Variants in NRG1 observed in about 807,000 individuals in gnomAD.
The protein encoded by NRG1 is pro-neuregulin-1, membrane-bound isoform.
Under a neutral mutation model 63.8 loss-of-function variants are expected in NRG1, and 18 were observed. The observed-to-expected ratio is 0.28, with a 90% CI of 0.19 to 0.42. The LOEUF is 0.42. Among genes scored for constraint, NRG1 ranks in the 10% least tolerant of loss-of-function variants. The pLI, the probability that NRG1 is intolerant of heterozygous loss-of-function variation, is 1.00. For missense variants in NRG1, 762 were observed against 814.7 expected, an observed-to-expected ratio of 0.94 and a Z score of 0.79; for synonymous variants, 302 against 301.3, an observed-to-expected ratio of 1.00 and a Z score of -0.02.
intron 1 of NRG1, among the ~76,000 whole-genome samples, chr8:32,204,179 G>C (rs1481750): frequency 0.79 from 120,574 of 152,100 alleles, 48,373 homozygotes; most frequent in African/African-American, 0.89. Context: ...ATGGGAATGA[G>C]GTCAGAAAGA....
intron 1 of NRG1, among the ~76,000 whole-genome samples, chr8:32,459,338 T>C (rs1471046327): frequency 6.6e-6 from 1 of 152,226 alleles, no homozygotes; most frequent in Non-Finnish European, 1.5e-5. Flanking sequence ...GTTTTTCCTA[T>C]CTTTACTTCT....
chr8:31,810,248 A>T (rs1822755506), intron 1 of NRG1, among the ~76,000 whole-genome samples: 1 of 152,106 alleles, frequency 6.6e-6, no homozygotes. Context: ...CAATAGACCA[A>T]TCTGGGCTCT....
chr8:32,113,966 G>T (rs1832375910), intron 1 of NRG1, among the ~76,000 whole-genome samples: 2 of 152,186 alleles, frequency 1.3e-5, no homozygotes, highest in South Asian at 4.1e-4. Context: ...TCAATAAATT[G>T]TAGAAACTAT....
At chr8:31,983,236 CAT>C (rs1158625057) in intron 1 of NRG1, among the ~76,000 whole-genome samples, 2 of 152,068 alleles carry the variant, frequency 1.3e-5, no homozygotes, top group African/African-American at 2.4e-5. Flanking sequence ...CAATTTCTCA[CAT>C]GTGAATCTTT....
At chr8:32,644,127 AAAT>A (rs1852976099) in intron 5 of NRG1, among the ~76,000 whole-genome samples, 1 of 152,226 alleles carries the variant, frequency 6.6e-6, no homozygotes, top group South Asian at 2.1e-4. Flanking sequence ...TGAAGATCAG[AAAT>A]AATGTATATT....
At chr8:32,468,746 A>C (rs1262108794) in intron 1 of NRG1, among the ~76,000 whole-genome samples, 1 of 149,052 alleles carries the variant, frequency 6.7e-6, no homozygotes, top group Non-Finnish European at 1.5e-5. Flanking sequence ...TTTCAGCAAG[A>C]AGTGTGTTCA....
intron 1 of NRG1, among the ~76,000 whole-genome samples, chr8:32,443,684 C>G (rs1040388076): frequency 2.6e-5 from 4 of 152,160 alleles, no homozygotes; most frequent in African/African-American, 7.2e-5. Flanking sequence ...GTGCATTTTT[C>G]TCCTACAATA....
chr8:31,856,011 G>A (rs903866535), intron 1 of NRG1, among the ~76,000 whole-genome samples: 1 of 151,046 alleles, frequency 6.6e-6, no homozygotes, highest in African/African-American at 2.5e-5. Flanking sequence ...TCCCTTTGAG[G>A]GTAACCCGAC....
At chr8:32,332,644 A>C (rs542916291) in intron 1 of NRG1, among the ~76,000 whole-genome samples, 48 of 152,282 alleles carry the variant, frequency 3.2e-4, no homozygotes, top group African/African-American at 1.1e-3. Context: ...TATTTTCACC[A>C]ATTTATAGAA....
intron 1 of NRG1, among the ~76,000 whole-genome samples, chr8:32,460,813 C>A (rs1024060155): frequency 9.2e-5 from 14 of 151,428 alleles, no homozygotes; most frequent in Admixed American, 9.2e-4. Context: ...TTTTTTTTGT[C>A]TTTTGCCTCT....
chr8:32,610,690 C>T (rs1196448194), intron 3 of NRG1, among the ~76,000 whole-genome samples: 1 of 152,116 alleles, frequency 6.6e-6, no homozygotes, highest in Non-Finnish European at 1.5e-5. Flanking sequence ...TTTCCAATGC[C>T]TTTCAACCCC....
chr8:32,307,586 GGTTTGTGT>G (rs781217698), intron 1 of NRG1, among the ~76,000 whole-genome samples: 33,383 of 108,786 alleles, frequency 0.31, 3,989 homozygotes, highest in South Asian at 0.46. Flanking sequence ...GTCACCCAGG[GGTTTGTGT>G]GTGTGTGTGT....
intron 1 of NRG1, among the ~76,000 whole-genome samples, chr8:32,022,261 G>A (rs576415136): frequency 1.1e-4 from 16 of 152,224 alleles, no homozygotes; most frequent in Admixed American, 2.6e-4. Context: ...AAGTCAGAGC[G>A]TTCTCTGAAT....
chr8:32,208,277 G>A (rs557417363), intron 1 of NRG1, among the ~76,000 whole-genome samples: 1 of 151,224 alleles, frequency 6.6e-6, no homozygotes, highest in East Asian at 1.9e-4. Context: ...GGACTATGAA[G>A]TGTTTTAATT....
chr8:31,741,294 T>C (rs1815243568), intron 1 of NRG1, among the ~76,000 whole-genome samples: 1 of 151,936 alleles, frequency 6.6e-6, no homozygotes, highest in Non-Finnish European at 1.5e-5. Context: ...CAGGATCATT[T>C]GTACCCCAAA....
chr8:32,608,914 C>T (rs950482525), intron 3 of NRG1, among the ~76,000 whole-genome samples: 4 of 152,112 alleles, frequency 2.6e-5, no homozygotes, highest in Non-Finnish European at 5.9e-5. Flanking sequence ...TCCTTGGTTC[C>T]CCAGTGAAAT....
At chr8:32,328,164 C>T (rs1802229118) in intron 1 of NRG1, among the ~76,000 whole-genome samples, 1 of 152,110 alleles carries the variant, frequency 6.6e-6, no homozygotes, top group South Asian at 2.1e-4. Context: ...TAATATCGCA[C>T]TCACATTTAT....
intron 1 of NRG1, among the ~76,000 whole-genome samples, chr8:32,412,223 T>A (rs1050717683): frequency 6.6e-6 from 1 of 151,906 alleles, no homozygotes; most frequent in African/African-American, 2.4e-5. Flanking sequence ...TTGAGGCTAC[T>A]GGTTTTCAGA....
chr8:32,179,993 C>T (rs1841262619), intron 1 of NRG1, among the ~76,000 whole-genome samples: 1 of 152,006 alleles, frequency 6.6e-6, no homozygotes, highest in Non-Finnish European at 1.5e-5. Context: ...TGCCATTCCT[C>T]TTCTATACTT....
Sources: gnomAD v4.1 joint callset for allele counts (sites outside exome capture counted in the v4.1 genomes callset) on GRCh38, gnomAD v4.1.1 for gene constraint, MANE v1.5 for transcripts, NCBI Gene and HGNC (gene_info 2026-07-23, HGNC 2026-07-21) for gene names.